PRKCE: variants seen among roughly 807,000 people sequenced by gnomAD.
The protein encoded by PRKCE is protein kinase C epsilon type.
PRKCE carries 16 observed loss-of-function variants against 85.4 expected under a neutral mutation model. The observed-to-expected ratio is 0.19, with a 90% confidence interval of 0.13 to 0.28. The LOEUF (loss-of-function observed/expected upper bound fraction) is 0.28. Among genes scored for constraint, PRKCE ranks in the 10% least tolerant of loss-of-function variants. The pLI is 1.00. For synonymous variants in PRKCE, 388 were observed against 371.5 expected (o/e 1.04, Z -0.51); for missense variants, 573 against 975.2 (o/e 0.59, Z 5.49).
intron 2 of PRKCE, among the ~76,000 whole-genome samples, chr2:45,944,345 A>G (rs750306220): frequency 2.0e-5 from 3 of 152,204 alleles, no homozygotes; most frequent in Non-Finnish European, 4.4e-5. Flanking sequence ...GCTCTACAGG[A>G]AATGCTGTTG....
At chr2:45,969,858 A>G (rs766525728) in intron 2 of PRKCE, among the ~76,000 whole-genome samples, 1 of 152,200 alleles carries the variant, frequency 6.6e-6, no homozygotes, top group Non-Finnish European at 1.5e-5. Context: ...TTTTTTCACA[A>G]TATTACAACA....
intron 14 of PRKCE, among the ~76,000 whole-genome samples, chr2:46,182,286 A>G (rs980461853): frequency 9.9e-5 from 15 of 152,076 alleles, no homozygotes; most frequent in African/African-American, 3.6e-4. Flanking sequence ...AGATCTTCAG[A>G]AGAGGTGTCG....
At chr2:45,811,107 TG>T (rs1393572796) in intron 1 of PRKCE, among the ~76,000 whole-genome samples, 1 of 152,198 alleles carries the variant, frequency 6.6e-6, no homozygotes, top group Non-Finnish European at 1.5e-5. Flanking sequence ...CAAGGGAGGT[TG>T]GGGAATGTGT....
chr2:45,687,139 G>A (rs1459226229), intron 1 of PRKCE, among the ~76,000 whole-genome samples: 3 of 152,016 alleles, frequency 2.0e-5, no homozygotes, highest in Non-Finnish European at 2.9e-5. Flanking sequence ...GTTTCATGGA[G>A]CCCGAGTCCA....
chr2:45,856,724 C>A (rs915725163), intron 2 of PRKCE, among the ~76,000 whole-genome samples: 6 of 152,184 alleles, frequency 3.9e-5, no homozygotes, highest in Non-Finnish European at 7.3e-5. Flanking sequence ...TTTTCCCCAG[C>A]CTCTGGTAGC....
chr2:45,993,307 G>T (rs1467672465), intron 6 of PRKCE, among the ~76,000 whole-genome samples: 1 of 152,212 alleles, frequency 6.6e-6, no homozygotes, highest in African/African-American at 2.4e-5. Context: ...CGTTATGGCT[G>T]CCCAGAGTAA....
At chr2:45,709,349 A>T (rs1180962837) in intron 1 of PRKCE, among the ~76,000 whole-genome samples, 1 of 152,222 alleles carries the variant, frequency 6.6e-6, no homozygotes, top group African/African-American at 2.4e-5. Context: ...GGCTGGTGTG[A>T]TGGAAGATGC....
chr2:46,102,140 G>T (rs1457956415), intron 11 of PRKCE, among the ~76,000 whole-genome samples: 1 of 152,116 alleles, frequency 6.6e-6, no homozygotes, highest in Non-Finnish European at 1.5e-5. Context: ...TTATACCATG[G>T]AAATCAGCAA....
chr2:45,693,274 A>G (rs989615336), intron 1 of PRKCE, among the ~76,000 whole-genome samples: 1 of 152,190 alleles, frequency 6.6e-6, no homozygotes. Context: ...AAAGGAAGAT[A>G]AGTTTGCTTG....
chr2:45,787,745 G>C (rs1363910207), intron 1 of PRKCE, among the ~76,000 whole-genome samples: 1 of 152,222 alleles, frequency 6.6e-6, no homozygotes, highest in African/African-American at 2.4e-5. Flanking sequence ...CAGGGTTCGC[G>C]ATACAGGTAT....
intron 1 of PRKCE, among the ~76,000 whole-genome samples, chr2:45,693,263 G>A (rs1025180950): frequency 3.3e-5 from 5 of 152,216 alleles, no homozygotes; most frequent in Admixed American, 6.5e-5. Flanking sequence ...GAGTAAACTT[G>A]AAAGGAAGAT....
At chr2:45,769,761 A>G (rs2104900520) in intron 1 of PRKCE, among the ~76,000 whole-genome samples, 1 of 152,364 alleles carries the variant, frequency 6.6e-6, no homozygotes, top group East Asian at 1.9e-4. Context: ...CTTAGGGTAC[A>G]AATCAACCAG....
At chr2:46,119,805 T>C (rs1427296223) in intron 11 of PRKCE, among the ~76,000 whole-genome samples, 2 of 152,240 alleles carry the variant, frequency 1.3e-5, no homozygotes, top group Non-Finnish European at 2.9e-5. Flanking sequence ...AGTGTGTTAG[T>C]ATCACTACTT....
chr2:46,010,571 A>G, intron 10 of PRKCE, 54 bp downstream of exon 10: 1 of 1,598,010 alleles, frequency 6.3e-7, no homozygotes, highest in Admixed American at 1.7e-5. Context: ...TGACTATCAG[A>G]TAAAATACCA....
At chr2:46,182,937 T>C (rs1269846244) in intron 14 of PRKCE, among the ~76,000 whole-genome samples, 1 of 152,188 alleles carries the variant, frequency 6.6e-6, no homozygotes, top group African/African-American at 2.4e-5. Flanking sequence ...GTGGAAGGCA[T>C]CACACTGAAG....
chr2:45,684,779 G>A (rs1016383460), intron 1 of PRKCE, among the ~76,000 whole-genome samples: 7 of 152,330 alleles, frequency 4.6e-5, no homozygotes, highest in Middle Eastern at 3.4e-3. Context: ...TGTGACGTGT[G>A]TAAGGGGTAG....
At chr2:46,130,053 G>T (rs1052210914) in intron 11 of PRKCE, among the ~76,000 whole-genome samples, 2 of 152,160 alleles carry the variant, frequency 1.3e-5, no homozygotes, top group African/African-American at 4.8e-5. Context: ...CATGAAAATA[G>T]CGAGTTTTTT....
chr2:46,048,431 T>G (rs1708656985), intron 10 of PRKCE, among the ~76,000 whole-genome samples: 1 of 152,222 alleles, frequency 6.6e-6, no homozygotes, highest in South Asian at 2.1e-4. Context: ...AGAGATTCTT[T>G]ACAGCCAACA....
chr2:45,753,804 A>ACATCCTAACATTCCCCTCCAGG (rs1183450148), intron 1 of PRKCE, among the ~76,000 whole-genome samples: 1 of 152,190 alleles, frequency 6.6e-6, no homozygotes, highest in Non-Finnish European at 1.5e-5. Flanking sequence ...CCAATCCCAG[A>ACATCCTAACATTCCCCTCCAGG]CATCCTAACA....
Sources: gnomAD v4.1 joint callset for allele counts (sites outside exome capture counted in the v4.1 genomes callset) on GRCh38, gnomAD v4.1.1 for gene constraint, MANE v1.5 for transcripts, NCBI Gene and HGNC (gene_info 2026-07-23, HGNC 2026-07-21) for gene names.